KCNB2: variants seen among roughly 807,000 people sequenced by gnomAD.
The protein encoded by KCNB2 is potassium voltage-gated channel subfamily B member 2, also known as delayed rectifier potassium channel protein.
Under a neutral mutation model 61.5 loss-of-function variants are expected in KCNB2, and 15 were observed. The ratio of observed to expected loss-of-function variants is 0.24; its 90% CI spans 0.16 to 0.38. KCNB2 has a LOEUF of 0.38. Ranked by LOEUF, KCNB2 falls within the 10% of genes least tolerant of loss-of-function variation. The probability of loss-of-function intolerance (pLI) is 1.00; values close to 1 mark genes in which losing one functional copy is unlikely to be tolerated. For missense variants in KCNB2, 828 were observed against 1,125.2 expected (o/e 0.74, Z 3.78); for synonymous variants, 457 against 446.0 (o/e 1.02, Z -0.31).
At chr8:72,913,773 T>C (rs548394786) in intron 2 of KCNB2, among the ~76,000 whole-genome samples, 1 of 152,360 alleles carries the variant, frequency 6.6e-6, no homozygotes, top group African/African-American at 2.4e-5. Flanking sequence ...TTCGTATCTC[T>C]TCTGCAGTAC....
intron 1 of KCNB2, among the ~76,000 whole-genome samples, chr8:72,565,408 T>C (rs1486651927): frequency 6.6e-6 from 1 of 152,208 alleles, no homozygotes; most frequent in Non-Finnish European, 1.5e-5. Flanking sequence ...TTAAATCTAA[T>C]AGTTTTTCCC....
At chr8:72,902,526 A>G (rs2129006703) in intron 2 of KCNB2, among the ~76,000 whole-genome samples, 1 of 152,278 alleles carries the variant, frequency 6.6e-6, no homozygotes, top group South Asian at 2.1e-4. Flanking sequence ...AGGGTATGCT[A>G]CATGGATATT....
At chr8:72,861,817 T>G (rs1363971956) in intron 2 of KCNB2, among the ~76,000 whole-genome samples, 1 of 152,208 alleles carries the variant, frequency 6.6e-6, no homozygotes, top group Non-Finnish European at 1.5e-5. Context: ...TAATGTCCCA[T>G]GAATCCTCTG....
intron 2 of KCNB2, among the ~76,000 whole-genome samples, chr8:72,740,421 A>G (rs1168483896): frequency 6.6e-6 from 1 of 152,166 alleles, no homozygotes; most frequent in Non-Finnish European, 1.5e-5. Flanking sequence ...AAGTTCTTCA[A>G]TAAGAAATTG....
In KCNB2 at chr8:72,728,360, C is replaced by T. The variant is rs145498061; in HGVS notation, c.579+160047C>T. On this transcript the variant is annotated intron_variant, in intron 2 of 2. Transcript: ENST00000523207. ...GAAGCTGATCAAGAAATGTCATACACGGCATTCCATCCTATTCCTGTTAAT... is the reference window on the plus strand; with the variant it reads ...GAAGCTGATCAAGAAATGTCATACATGGCATTCCATCCTATTCCTGTTAAT... Among the ~76,000 whole-genome samples the T allele has an allele frequency of 3.1e-3, 471 of 152,278 alleles. 3 individuals are homozygous for T. Among genetic ancestry groups the T allele is most frequent in the African/African-American group, 0.011 (441 of 41,560 alleles).
chr8:72,594,838 A>G (rs1807161229), intron 2 of KCNB2, among the ~76,000 whole-genome samples: 1 of 152,218 alleles, frequency 6.6e-6, no homozygotes. Flanking sequence ...TTGAATAAGT[A>G]GTTTTAAATA....
intron 2 of KCNB2, among the ~76,000 whole-genome samples, chr8:72,780,600 C>A (rs1054424895): frequency 2.6e-4 from 40 of 152,190 alleles, no homozygotes; most frequent in African/African-American, 9.4e-4. Context: ...AAAGTCCACT[C>A]TTTTCTTTAT....
At chr8:72,708,592 A>G (rs1183619062) in intron 2 of KCNB2, among the ~76,000 whole-genome samples, 1 of 152,186 alleles carries the variant, frequency 6.6e-6, no homozygotes, top group Non-Finnish European at 1.5e-5. Context: ...ACCAGTGTTA[A>G]TTATTCAGAC....
intron 1 of KCNB2, among the ~76,000 whole-genome samples, chr8:72,566,294 T>G (rs983736650): frequency 1.3e-5 from 2 of 152,154 alleles, no homozygotes; most frequent in African/African-American, 2.4e-5. Flanking sequence ...TTAAAGCATG[T>G]GAGTGGCAAG....
chr8:72,613,352 AC>A (rs1284123443), intron 2 of KCNB2, among the ~76,000 whole-genome samples: 4 of 152,194 alleles, frequency 2.6e-5, no homozygotes, highest in African/African-American at 4.8e-5. Context: ...GTCTATGATG[AC>A]TGAATTTATA....
chr8:72,927,643 G>A (rs939256950), intron 2 of KCNB2, among the ~76,000 whole-genome samples: 4 of 152,166 alleles, frequency 2.6e-5, no homozygotes, highest in Admixed American at 6.5e-5. Context: ...CAAGGCTCTC[G>A]CAATTGGTTG....
In KCNB2 at chr8:72,567,989, C is replaced by T. The variant is rs765881996; in HGVS notation, c.255C>T (p.Asn85=). 225 of 1,613,924 alleles carry T rather than the reference C, an allele frequency of 1.4e-4. 2 individuals are homozygous for T. In the South Asian group the frequency reaches 2.4e-3, roughly 17 times the overall value. The change falls in exon 2 of 3, where the codon AAC becomes AAT. Residue 85 remains asparagine, a synonymous_variant. Transcript: ENST00000523207. ...EVCDDYNLNE[N]EYFFDRHPGA... ...GCGACGACTATAATCTGAACGAGAACGAGTATTTCTTTGATCGGCATCCAG... is the reference window on the plus strand; with the variant it reads ...GCGACGACTATAATCTGAACGAGAATGAGTATTTCTTTGATCGGCATCCAG...
chr8:72,812,802 G>T (rs1194487576), intron 2 of KCNB2, among the ~76,000 whole-genome samples: 2 of 152,038 alleles, frequency 1.3e-5, no homozygotes, highest in Non-Finnish European at 2.9e-5. Context: ...ATTTTATGTA[G>T]TATTTTTACA....
At chr8:72,718,409 G>C (rs145538263) in intron 2 of KCNB2, among the ~76,000 whole-genome samples, 2,808 of 152,100 alleles carry the variant, frequency 0.018, 69 homozygotes, top group African/African-American at 0.062. Flanking sequence ...GACTTGGAAC[G>C]AACCCAAATG....
intron 2 of KCNB2, among the ~76,000 whole-genome samples, chr8:72,910,393 T>G (rs141376769): frequency 1.2e-3 from 186 of 152,044 alleles, no homozygotes; most frequent in Admixed American, 2.4e-3. Flanking sequence ...GAACCACCAA[T>G]GCATAGACGA....
intron 2 of KCNB2, among the ~76,000 whole-genome samples, chr8:72,845,346 G>A (rs2129002916): frequency 6.6e-6 from 1 of 152,282 alleles, no homozygotes; most frequent in South Asian, 2.1e-4. Flanking sequence ...GATGCCAGCT[G>A]GAGCTCTTTT....
intron 2 of KCNB2, among the ~76,000 whole-genome samples, chr8:72,843,664 T>G (rs992840589): frequency 1.3e-4 from 20 of 152,232 alleles, no homozygotes; most frequent in Admixed American, 1.3e-3. Context: ...CTCTTCCTGT[T>G]GCATTGATCC....
intron 2 of KCNB2, among the ~76,000 whole-genome samples, chr8:72,771,358 T>C (rs1808556337): frequency 6.6e-6 from 1 of 152,244 alleles, no homozygotes. Flanking sequence ...ATTTCCTTTT[T>C]ATATATTTTT....
chr8:72,791,125 G>A (rs1272891115), intron 2 of KCNB2, among the ~76,000 whole-genome samples: 1 of 152,176 alleles, frequency 6.6e-6, no homozygotes, highest in Non-Finnish European at 1.5e-5. Context: ...TGATTAGTAT[G>A]AGGCAAGATG....
Sources: gnomAD v4.1 joint callset for allele counts (sites outside exome capture counted in the v4.1 genomes callset) on GRCh38, gnomAD v4.1.1 for gene constraint, MANE v1.5 for transcripts, NCBI Gene and HGNC (gene_info 2026-07-23, HGNC 2026-07-21) for gene names.